The following FBXO36 variants were observed in gnomAD, a reference collection of about 807,000 sequenced individuals.
FBXO36 encodes F-box protein 36, also known as F-box only protein 36.
In FBXO36, 18 loss-of-function variants were observed where a neutral mutation model predicts 17.0. That is an observed-to-expected ratio of 1.06 (90% confidence interval 0.73 to 1.57). The LOEUF (loss-of-function observed/expected upper bound fraction) is 1.57, where lower values mean the gene tolerates loss of function less well. Among genes scored for constraint, FBXO36 ranks in the 40% most tolerant of loss-of-function variants. The pLI, the probability that FBXO36 is intolerant of heterozygous loss-of-function variation, is 0.00. For synonymous variants in FBXO36, 83 were observed against 85.3 expected, an observed-to-expected ratio of 0.97 and a Z score of 0.15; for missense variants, 229 against 221.9, an observed-to-expected ratio of 1.03 and a Z score of -0.20.
chr2:229,962,144 C>T (rs2077124624), intron 1 of FBXO36, among the ~76,000 whole-genome samples: 1 of 151,282 alleles, frequency 6.6e-6, no homozygotes, highest in South Asian at 2.1e-4. Context: ...GATTGTGCCA[C>T]TGCAGTCCAG....
chr2:229,952,669 G>C (rs1293949556), intron 1 of FBXO36, among the ~76,000 whole-genome samples: 1 of 152,136 alleles, frequency 6.6e-6, no homozygotes, highest in Non-Finnish European at 1.5e-5. Context: ...TGGCTGGACA[G>C]GTTAAGACAC....
intron 1 of FBXO36, among the ~76,000 whole-genome samples, chr2:229,922,839 C>T (rs976187855): frequency 4.6e-5 from 7 of 152,196 alleles, no homozygotes; most frequent in African/African-American, 1.7e-4. Flanking sequence ...CTCTGCCTCC[C>T]CGCGGTGCCG....
chr2:229,925,122 A>T lies in FBXO36; in HGVS notation c.96+2513A>T, dbSNP rs542991984. Among the ~76,000 whole-genome samples, 1,137 of 150,820 alleles carry T rather than the reference A, an allele frequency of 7.5e-3. 14 individuals are homozygous for T. The highest frequency in any genetic ancestry group is 0.025 in the African/African-American group (1,027 of 41,180). On this transcript the variant is annotated intron_variant, in intron 1 of 3. Coordinates refer to ENST00000283946, the MANE Select transcript of FBXO36 (RefSeq NM_174899.5). ...CTTTATTTTTATTATTTATTTATTTATTTTTTATTTTTTGCAAGTGAAAAA... is the reference window on the plus strand; with the variant it reads ...CTTTATTTTTATTATTTATTTATTTTTTTTTTATTTTTTGCAAGTGAAAAA...
At chr2:229,981,566 C>T (rs1030674295) in intron 2 of FBXO36, among the ~76,000 whole-genome samples, 1 of 151,474 alleles carries the variant, frequency 6.6e-6, no homozygotes, top group Non-Finnish European at 1.5e-5. Flanking sequence ...ATTGGCTGGG[C>T]GTGGTGGTGC....
At position 229,969,175 on chromosome 2, in the gene FBXO36, A is replaced by G. The variant is rs370815874; in HGVS notation, c.97-7066A>G. On this transcript the variant is annotated intron_variant, in intron 1 of 3. Transcript: ENST00000283946. ...ATTTTCTCAAGCATTACCAAAATCTAAAGACGCATAATTAGAATTCTACCA... is the reference window on the plus strand; with the variant it reads ...ATTTTCTCAAGCATTACCAAAATCTGAAGACGCATAATTAGAATTCTACCA... Among the ~76,000 whole-genome samples, 9 of 152,096 alleles carry G rather than the reference A, an allele frequency of 5.9e-5. No homozygotes were observed. The East Asian group carries it at 1.4e-3, about 23-fold the overall frequency.
intron 1 of FBXO36, among the ~76,000 whole-genome samples, chr2:229,926,848 G>A (rs1376043632): frequency 1.3e-5 from 2 of 152,038 alleles, no homozygotes; most frequent in African/African-American, 4.8e-5. Context: ...GTTAGGGGTG[G>A]AAAGGATCTT....
At chr2:229,985,062 T>G (rs1334936449) in intron 2 of FBXO36, among the ~76,000 whole-genome samples, 1 of 152,230 alleles carries the variant, frequency 6.6e-6, no homozygotes, top group Non-Finnish European at 1.5e-5. Context: ...TTCTGTGAAC[T>G]GGCTCGCATG....
chr2:229,940,999 C>T (rs2076995150), intron 1 of FBXO36, among the ~76,000 whole-genome samples: 1 of 152,104 alleles, frequency 6.6e-6, no homozygotes, highest in African/African-American at 2.4e-5. Context: ...CTGTCCAAGC[C>T]TCCACCTGAG....
intron 1 of FBXO36, among the ~76,000 whole-genome samples, chr2:229,935,852 A>G (rs2106157307): frequency 6.6e-6 from 1 of 152,334 alleles, no homozygotes; most frequent in African/African-American, 2.4e-5. Flanking sequence ...AAAAGTATGT[A>G]GTCTGCCCTC....
intron 1 of FBXO36, among the ~76,000 whole-genome samples, chr2:229,927,163 G>T (rs1445668208): frequency 6.6e-6 from 1 of 152,120 alleles, no homozygotes; most frequent in Non-Finnish European, 1.5e-5. Flanking sequence ...CCTGGCCAGG[G>T]CTAGAAAGAA....
intron 1 of FBXO36, among the ~76,000 whole-genome samples, chr2:229,947,066 G>A (rs2077030839): frequency 6.6e-6 from 1 of 152,084 alleles, no homozygotes; most frequent in South Asian, 2.1e-4. Context: ...TACTTGGGAG[G>A]CTGAGGCAGG....
intron 1 of FBXO36, among the ~76,000 whole-genome samples, chr2:229,957,340 G>T (rs907500184): frequency 6.6e-6 from 1 of 152,170 alleles, no homozygotes; most frequent in African/African-American, 2.4e-5. Context: ...ACTTTGGGAG[G>T]CCAAGGCGGG....
intron 2 of FBXO36, among the ~76,000 whole-genome samples, chr2:229,993,885 A>G (rs2077311240): frequency 6.6e-6 from 1 of 151,494 alleles, no homozygotes; most frequent in South Asian, 2.1e-4. Context: ...CCTCCTGAGT[A>G]GCTGGGACTA....
At chr2:229,946,685 A>G (rs983859884) in intron 1 of FBXO36, among the ~76,000 whole-genome samples, 3 of 152,188 alleles carry the variant, frequency 2.0e-5, no homozygotes, top group Non-Finnish European at 4.4e-5. Flanking sequence ...TTTTCTAGCA[A>G]ACAAGAGATG....
chr2:229,971,388 A>G (rs142335421), intron 1 of FBXO36, among the ~76,000 whole-genome samples: 126 of 151,958 alleles, frequency 8.3e-4, no homozygotes, highest in African/African-American at 2.6e-3. Flanking sequence ...CAAACAAAAA[A>G]CAAGTGATAA....
chr2:229,997,526 CA>C (rs1228616854), intron 3 of FBXO36, among the ~76,000 whole-genome samples: 1 of 149,228 alleles, frequency 6.7e-6, no homozygotes, highest in Non-Finnish European at 1.5e-5. Context: ...TGCAGTGAGC[CA>C]AGATCTCGCC....
chr2:229,964,442 A>G (rs2077140359), intron 1 of FBXO36, among the ~76,000 whole-genome samples: 1 of 152,234 alleles, frequency 6.6e-6, no homozygotes, highest in Non-Finnish European at 1.5e-5. Flanking sequence ...TGTATGGAAC[A>G]TAGCATTTTC....
At chr2:229,954,233 G>GTTTTT in intron 1 of FBXO36, among the ~76,000 whole-genome samples, 1 of 33,146 alleles carries the variant, frequency 3.0e-5, no homozygotes, top group African/African-American at 7.5e-5. Flanking sequence ...AAACCCTTTG[G>GTTTTT]ATTTTTTTTT....
At chr2:229,924,526 C>T (rs2076894518) in intron 1 of FBXO36, among the ~76,000 whole-genome samples, 1 of 152,166 alleles carries the variant, frequency 6.6e-6, no homozygotes, top group Non-Finnish European at 1.5e-5. Context: ...ATTTTTACAG[C>T]CTTTAAAAAT....
Sources: allele counts gnomAD v4.1 joint callset (sites outside exome capture counted in the v4.1 genomes callset), GRCh38; gene constraint gnomAD v4.1.1; transcripts MANE v1.5; gene names NCBI Gene and HGNC (gene_info 2026-07-23, HGNC 2026-07-21).